Variants in TET2 observed in about 807,000 individuals in gnomAD.
TET2 encodes the protein tet methylcytosine dioxygenase 2.
A neutral mutation model predicts 142.9 loss-of-function variants in TET2; 299 were observed. The ratio of observed to expected loss-of-function variants is 2.09; its 90% confidence interval spans 1.90 to 2.30. The LOEUF (loss-of-function observed/expected upper bound fraction) is 2.30. TET2 is among the 30% of genes most tolerant of loss of function. TET2 has a pLI of 0.00. For synonymous variants in TET2, 819 were observed against 849.0 expected, an observed-to-expected ratio of 0.96 and a Z score of 0.61; for missense variants, 2,418 against 2,378.0, an observed-to-expected ratio of 1.02 and a Z score of -0.35.
At chr4:105,213,145 C>T (rs1727275957) in intron 2 of TET2, among the ~76,000 whole-genome samples, 1 of 152,080 alleles carries the variant, frequency 6.6e-6, no homozygotes. Context: ...CTCCTCAATT[C>T]TTTTTCTGAC....
intron 2 of TET2, among the ~76,000 whole-genome samples, chr4:105,204,841 T>A (rs1726722389): frequency 2.0e-5 from 3 of 152,192 alleles, no homozygotes; most frequent in Admixed American, 6.5e-5. Flanking sequence ...TGTATTTTTT[T>A]AAAATTGCCT....
intron 2 of TET2, among the ~76,000 whole-genome samples, chr4:105,196,193 A>G (rs1229891183): frequency 6.6e-6 from 1 of 151,118 alleles, no homozygotes; most frequent in Non-Finnish European, 1.5e-5. Context: ...GATCAGTTCA[A>G]AGTACCTCTG....
chr4:105,233,889 C>T lies in TET2; in HGVS notation c.-46-8C>T. Reference sequence around the variant, plus strand: ...ACACATTTTAATTTTTGTTTCCATGCTCTTTAGAATTCAACTAGAGGGCAG... The same window carrying T: ...ACACATTTTAATTTTTGTTTCCATGTTCTTTAGAATTCAACTAGAGGGCAG... On this transcript the variant is annotated splice_region_variant and splice_polypyrimidine_tract_variant and intron_variant, in intron 2 of 10. Coordinates refer to ENST00000380013, the MANE Select transcript of TET2 (RefSeq NM_001127208.3). 6.8e-7 allele frequency: 1 copy of T among 1,462,322 alleles called. No homozygotes were observed. Among genetic ancestry groups the T allele is most frequent in the Non-Finnish European group, 9.3e-7 (1 of 1,077,798 alleles). 90.6% of individuals were successfully genotyped at this position (1,462,322 alleles called of 1,614,324 possible).
intron 1 of TET2, among the ~76,000 whole-genome samples, chr4:105,179,451 A>G (rs1421031290): frequency 1.3e-5 from 2 of 152,218 alleles, no homozygotes; most frequent in African/African-American, 2.4e-5. Flanking sequence ...TTCAATGCCA[A>G]TGATACTGCA....
chr4:105,167,474 TGTA>T lies in TET2; in HGVS notation c.-193+20499_-193+20501del, dbSNP rs554687590. On this transcript the variant is annotated intron_variant, in intron 1 of 10. Transcript: ENST00000380013. The stretch of plus-strand genomic sequence containing the variant: ...ATGTGTGTATGTATGTATATACACA[TGTA>T]GTATATCTATATACATGTATATGTA... 3.9e-4 allele frequency among the ~76,000 whole-genome samples: 59 copies of T among 152,216 alleles called. No individual in the cohort carries two copies. In the South Asian group the frequency reaches 6.0e-3, roughly 16 times the overall value.
chr4:105,276,252 G>A lies in TET2; in HGVS notation c.5742G>A (p.Leu1914=). 1 of 1,551,594 alleles carries A rather than the reference G, an allele frequency of 6.4e-7. No homozygotes were observed. Among genetic ancestry groups the A allele is most frequent in the Non-Finnish European group, 8.7e-7 (1 of 1,146,972 alleles). Residue 1914 remains leucine (L), a synonymous_variant, in exon 11 of 11, where the codon TTG becomes TTA. Transcript: ENST00000380013. ...GCATGAATGAGCCAAAACATGGCTT[G>A]GCTCTTTGGGAAGCCAAAATGGCTG... ...HKSMNEPKHG[L]ALWEAKMAEK...
At chr4:105,248,159 AAG>A (rs1560556542) in intron 6 of TET2, among the ~76,000 whole-genome samples, 1 of 152,196 alleles carries the variant, frequency 6.6e-6, no homozygotes, top group African/African-American at 2.4e-5. Flanking sequence ...TAGTGATATT[AAG>A]AGTGTTTAGC....
In TET2 at chr4:105,259,729, T is replaced by A; in HGVS notation, c.3914T>A (p.Ile1305Asn). The change falls in exon 7 of 11, where the codon ATC becomes AAC. Residue 1305 changes from isoleucine (I) to asparagine (N), a missense_variant. Ile to Asn is a moderately radical substitution (Grantham distance 149, BLOSUM62 -3). Transcript: ENST00000380013. ...YNGCKFARSK[I>N]PRKFKLLGDD... ...GGATGTAAGTTTGCCAGAAGCAAGA[T>A]CCCAAGGAAGTTTAAGCTGCTTGGG... 6.4e-7 allele frequency: 1 copy of A among 1,551,030 alleles called. No homozygotes were observed. The highest frequency in any genetic ancestry group is 8.7e-7 in the Non-Finnish European group (1 of 1,146,520).
At chr4:105,256,832 T>A (rs926857792) in intron 6 of TET2, among the ~76,000 whole-genome samples, 2 of 152,134 alleles carry the variant, frequency 1.3e-5, no homozygotes, top group Admixed American at 6.6e-5. Flanking sequence ...AGTCCCTTTT[T>A]CCCCTCCTTT....
At chr4:105,264,156 T>TGTAA (rs1730581405) in intron 8 of TET2, among the ~76,000 whole-genome samples, 1 of 152,082 alleles carries the variant, frequency 6.6e-6, no homozygotes, top group Admixed American at 6.6e-5. Context: ...ATGGTCTATT[T>TGTAA]GTAAGTTATT....
chr4:105,235,701 C>T lies in TET2; in HGVS notation c.1759C>T (p.Pro587Ser), dbSNP rs2110229664. Residue 587 changes from proline to serine, a missense_variant, in exon 3 of 11, where the codon CCA becomes TCA. Physicochemically the swap from Pro to Ser is moderately conservative, Grantham distance 74. Transcript: ENST00000380013. ...SHLKRNEASL[P>S]SILQYQPNLS... ...TCTAAAACGTAATGAGGCATCACTG[C>T]CATCAATTCTTCAGTATCAACCCAA... 6.2e-7 allele frequency: 1 copy of T among 1,614,148 alleles called. No individual in the cohort carries two copies. The highest frequency in any genetic ancestry group is 8.5e-7 in the Non-Finnish European group (1 of 1,180,010).
At chr4:105,174,119 A>G (rs912673812) in intron 1 of TET2, among the ~76,000 whole-genome samples, 5 of 152,318 alleles carry the variant, frequency 3.3e-5, no homozygotes, top group East Asian at 3.9e-4. Flanking sequence ...CTGTTCATAT[A>G]TAAGTAAAAT....
At chr4:105,259,530 C>A in intron 6 of TET2, 89 bp from the exon 7 acceptor site, 1 of 1,291,986 alleles carries the variant, frequency 7.7e-7, no homozygotes, top group Non-Finnish European at 1.0e-6. Flanking sequence ...TCTTTTCAAA[C>A]TCATTTTGCA....
At position 105,259,784 on chromosome 4, in the gene TET2, T is replaced by TG. The variant is rs1730332731; in HGVS notation, c.3954+16dup. The TG allele has an allele frequency of 3.4e-5, 53 of 1,548,046 alleles. No homozygotes were observed. Among genetic ancestry groups the TG allele is most frequent in the Non-Finnish European group, 4.6e-5 (53 of 1,145,260 alleles). Reference sequence around the variant, plus strand: ...ACCCAAAAGAGGTTTGTTTACTTCCTGATGTATAATCGCTTTATTTTTCAT... The same window carrying TG: ...ACCCAAAAGAGGTTTGTTTACTTCCTGGATGTATAATCGCTTTATTTTTCAT... On this transcript the variant is annotated intron_variant, in intron 7 of 10. Coordinates refer to ENST00000380013, the MANE Select transcript of TET2 (RefSeq NM_001127208.3).
intron 4 of TET2, chr4:105,241,741 G>C: frequency 8.0e-7 from 1 of 1,253,974 alleles, no homozygotes; most frequent in Non-Finnish European, 1.0e-6. Context: ...CCAACGAGAG[G>C]TCCCACTCTG....
intron 6 of TET2, among the ~76,000 whole-genome samples, chr4:105,246,965 T>C (rs971327928): frequency 2.0e-5 from 3 of 151,630 alleles, no homozygotes; most frequent in African/African-American, 7.3e-5. Context: ...CTAACCAGTA[T>C]TTTTTTGGCA....
At chr4:105,252,302 T>A (rs970909212) in intron 6 of TET2, among the ~76,000 whole-genome samples, 3 of 152,178 alleles carry the variant, frequency 2.0e-5, no homozygotes, top group African/African-American at 4.8e-5. Flanking sequence ...TCAGACTGGT[T>A]TTTGTCACTT....
At chr4:105,224,147 T>C (rs1234391752) in intron 2 of TET2, among the ~76,000 whole-genome samples, 1 of 151,300 alleles carries the variant, frequency 6.6e-6, no homozygotes, top group Non-Finnish European at 1.5e-5. Flanking sequence ...ATAAAAGATA[T>C]ACCCCCACCT....
In TET2 at chr4:105,201,732, C is replaced by CTTTTT. The variant is rs70964636; in HGVS notation, c.-47+11249_-47+11253dup. ...TTAACAGAACATCTTCATCCAGGAC[C>CTTTTT]TTTTTTTTTTTTTTTTTTTTTTTTT... On this transcript the variant is annotated intron_variant, in intron 2 of 10. Coordinates refer to ENST00000380013, the MANE Select transcript of TET2 (RefSeq NM_001127208.3). 2.9e-4 allele frequency among the ~76,000 whole-genome samples: 18 copies of CTTTTT among 63,050 alleles called. 1 individual carries two copies. Among genetic ancestry groups the CTTTTT allele is most frequent in the African/African-American group, 6.8e-4 (10 of 14,696 alleles). 41.4% of individuals were successfully genotyped at this position (63,050 alleles called of 152,430 possible). A position where few individuals can be genotyped will look rare whatever the true frequency, so the allele number is the denominator to read the frequency against.
Sources: allele counts gnomAD v4.1 joint callset (sites outside exome capture counted in the v4.1 genomes callset), GRCh38; gene constraint gnomAD v4.1.1; transcripts MANE v1.5; gene names NCBI Gene and HGNC (gene_info 2026-07-23, HGNC 2026-07-21).